CAMK1D: variants seen among roughly 807,000 people sequenced by gnomAD.
CAMK1D encodes the protein calcium/calmodulin dependent protein kinase ID.
CAMK1D carries 9 observed loss-of-function variants against 47.7 expected under a neutral mutation model. The ratio of observed to expected loss-of-function variants is 0.19; its 90% CI spans 0.11 to 0.33. The LOEUF (loss-of-function observed/expected upper bound fraction) is 0.33. Ranked by LOEUF, CAMK1D falls within the 10% of genes least tolerant of loss-of-function variation. The pLI is 1.00. For synonymous variants in CAMK1D, 184 were observed against 184.9 expected (o/e 0.99, Z 0.04); for missense variants, 291 against 488.7 (o/e 0.60, Z 3.81).
At chr10:12,728,709 C>T (rs1834762267) in intron 3 of CAMK1D, among the ~76,000 whole-genome samples, 1 of 152,194 alleles carries the variant, frequency 6.6e-6, no homozygotes, top group Non-Finnish European at 1.5e-5. Flanking sequence ...ATTCCACTCA[C>T]CACCCTCACC....
intron 2 of CAMK1D, among the ~76,000 whole-genome samples, chr10:12,637,725 T>C (rs1192199905): frequency 2.0e-5 from 3 of 152,252 alleles, no homozygotes; most frequent in South Asian, 4.1e-4. Flanking sequence ...TGGTGAGGAA[T>C]TGGCAGGAGA....
intron 5 of CAMK1D, among the ~76,000 whole-genome samples, chr10:12,788,050 T>G (rs1564562414): frequency 6.6e-6 from 1 of 152,208 alleles, no homozygotes; most frequent in Non-Finnish European, 1.5e-5. Context: ...GAGATGTATA[T>G]TCTTGTTCAA....
At chr10:12,702,716 A>G (rs550898507) in intron 3 of CAMK1D, among the ~76,000 whole-genome samples, 2 of 152,362 alleles carry the variant, frequency 1.3e-5, no homozygotes, top group East Asian at 3.9e-4. Flanking sequence ...CCTCGTGGCC[A>G]TGAGCAGCAG....
rs1001348492 is a variant in CAMK1D, at chr10:12,815,888, A to G, written c.755-362A>G. 2.6e-5 allele frequency among the ~76,000 whole-genome samples: 4 copies of G among 152,330 alleles called. No homozygotes were observed. In the East Asian group the frequency reaches 7.7e-4, roughly 29 times the overall value. On this transcript the variant is annotated intron_variant, in intron 7 of 10. Transcript: ENST00000619168. ...AATCAGCCACATTTAACACATGGAG[A>G]TGATGTCACCAAAACAGTTCTCTAA...
intron 1 of CAMK1D, among the ~76,000 whole-genome samples, chr10:12,522,580 G>C (rs139624190): frequency 0.22 from 33,643 of 151,718 alleles, 4,019 homozygotes; most frequent in South Asian, 0.27. Context: ...AAAATGAAAA[G>C]TCTCCCATGT....
At chr10:12,362,567 A>G (rs927541617) in intron 1 of CAMK1D, among the ~76,000 whole-genome samples, 15 of 151,820 alleles carry the variant, frequency 9.9e-5, no homozygotes, top group East Asian at 1.9e-4. Flanking sequence ...GCGCCATCTC[A>G]GCTCACTGCA....
intron 3 of CAMK1D, among the ~76,000 whole-genome samples, chr10:12,694,254 G>A (rs376191398): frequency 9.8e-3 from 86 of 8,812 alleles, no homozygotes; most frequent in Non-Finnish European, 0.011. Flanking sequence ...TATATATTAT[G>A]TATAATATAT....
chr10:12,694,806 G>A (rs1041434168), intron 3 of CAMK1D, among the ~76,000 whole-genome samples: 2 of 151,470 alleles, frequency 1.3e-5, no homozygotes, highest in Non-Finnish European at 2.9e-5. Flanking sequence ...TTACTGTCAG[G>A]TTTCTCAAAA....
intron 1 of CAMK1D, among the ~76,000 whole-genome samples, chr10:12,535,990 A>G (rs969118493): frequency 3.9e-5 from 6 of 152,142 alleles, no homozygotes; most frequent in Admixed American, 2.6e-4. Flanking sequence ...GGGATGCTGT[A>G]TGTAAACCTG....
intron 2 of CAMK1D, among the ~76,000 whole-genome samples, chr10:12,554,145 G>GCTCCC (rs1188187846): frequency 2.2e-5 from 3 of 134,618 alleles, no homozygotes; most frequent in Admixed American, 1.6e-4. Context: ...CCTCCCCTTT[G>GCTCCC]CTCCCCTCCC....
At chr10:12,499,184 G>A (rs542596634) in intron 1 of CAMK1D, among the ~76,000 whole-genome samples, 1 of 150,590 alleles carries the variant, frequency 6.6e-6, no homozygotes, top group East Asian at 2.0e-4. Flanking sequence ...GGAAAATAAA[G>A]GCTTCCTGGG....
At chr10:12,403,822 A>G (rs766554462) in intron 1 of CAMK1D, among the ~76,000 whole-genome samples, 5 of 151,840 alleles carry the variant, frequency 3.3e-5, no homozygotes, top group Non-Finnish European at 5.9e-5. Flanking sequence ...CTGTTCTTCC[A>G]TAATAGGCCT....
At chr10:12,390,877 A>T (rs143759234) in intron 1 of CAMK1D, among the ~76,000 whole-genome samples, 1 of 152,202 alleles carries the variant, frequency 6.6e-6, no homozygotes, top group Non-Finnish European at 1.5e-5. Context: ...ATTCAGAATG[A>T]ACTCAGGCTC....
chr10:12,682,505 G>T (rs1291178377), intron 3 of CAMK1D, among the ~76,000 whole-genome samples: 21 of 152,068 alleles, frequency 1.4e-4, no homozygotes, highest in Non-Finnish European at 1.5e-5. Flanking sequence ...TTATATACTT[G>T]GATTAAAAAT....
intron 1 of CAMK1D, among the ~76,000 whole-genome samples, chr10:12,448,037 A>G (rs1443506760): frequency 6.8e-6 from 1 of 147,848 alleles, no homozygotes; most frequent in Non-Finnish European, 1.5e-5. Context: ...TGTTTTTAGT[A>G]GAGACAGGGT....
intron 6 of CAMK1D, among the ~76,000 whole-genome samples, chr10:12,801,610 A>G (rs1564572604): frequency 1.3e-5 from 2 of 152,056 alleles, no homozygotes; most frequent in South Asian, 4.2e-4. Context: ...CCATTCATCC[A>G]TCCTTCCATC....
chr10:12,805,849 A>G (rs551713275), intron 6 of CAMK1D, among the ~76,000 whole-genome samples: 193 of 152,356 alleles, frequency 1.3e-3, no homozygotes, highest in African/African-American at 4.5e-3. Flanking sequence ...GTGTACTGGT[A>G]TAGGACCAGG....
chr10:12,824,455 T>C lies in CAMK1D; in HGVS notation c.834-10T>C. 1.2e-6 allele frequency: 2 copies of C among 1,613,372 alleles called. No individual in the cohort carries two copies. The highest frequency in any genetic ancestry group is 1.7e-6 in the Non-Finnish European group (2 of 1,179,344). On this transcript the variant is annotated splice_polypyrimidine_tract_variant and intron_variant, in intron 8 of 10. Transcript: ENST00000619168. ...AGCACTTCAGAGCAGCACCTTTGCC[T>C]CTGTTTCAGGATCGCTGGTGACACA... is the stretch of plus-strand genomic sequence containing the variant.
intron 6 of CAMK1D, among the ~76,000 whole-genome samples, chr10:12,806,710 G>T (rs533554084): frequency 3.3e-4 from 51 of 152,296 alleles, no homozygotes; most frequent in Non-Finnish European, 6.8e-4. Context: ...GACCTAATGT[G>T]TAATCAGCTA....
Sources: gnomAD v4.1 joint callset for allele counts (sites outside exome capture counted in the v4.1 genomes callset) on GRCh38, gnomAD v4.1.1 for gene constraint, MANE v1.5 for transcripts, NCBI Gene and HGNC (gene_info 2026-07-23, HGNC 2026-07-21) for gene names.